The following MCCC1 variants were observed in gnomAD, a reference collection of about 807,000 sequenced individuals.
MCCC1 encodes methylcrotonyl-CoA carboxylase subunit 1.
A neutral mutation model predicts 83.8 loss-of-function variants in MCCC1; 64 were observed. The ratio of observed to expected loss-of-function variants is 0.76; its 90% CI spans 0.62 to 0.94. MCCC1 has a LOEUF of 0.94. MCCC1 is among the 40% of genes least tolerant of loss of function. The probability of loss-of-function intolerance (pLI) is 0.00; values close to 1 mark genes in which losing one functional copy is unlikely to be tolerated. For missense variants in MCCC1, 807 were observed against 904.7 expected (o/e 0.89, Z 1.39); for synonymous variants, 322 against 315.4 (o/e 1.02, Z -0.22).
chr3:183,024,934 A>G (rs865847537), intron 15 of MCCC1, among the ~76,000 whole-genome samples: 14 of 152,208 alleles, frequency 9.2e-5, no homozygotes, highest in Middle Eastern at 3.4e-3. Flanking sequence ...TGTGGTATAT[A>G]CATACAACAG....
intron 1 of MCCC1, among the ~76,000 whole-genome samples, chr3:183,109,180 C>A (rs1193615995): frequency 6.6e-6 from 1 of 151,976 alleles, no homozygotes; most frequent in Non-Finnish European, 1.5e-5. Context: ...TTAGTAGAGA[C>A]GGGGTTTCAC....
At chr3:183,104,596 T>C (rs1719378317) in intron 1 of MCCC1, among the ~76,000 whole-genome samples, 1 of 152,184 alleles carries the variant, frequency 6.6e-6, no homozygotes, top group African/African-American at 2.4e-5. Flanking sequence ...AGGGCTACTT[T>C]CCTTAATATA....
chr3:183,087,023 C>T (rs1303667834), intron 3 of MCCC1, among the ~76,000 whole-genome samples: 1 of 152,208 alleles, frequency 6.6e-6, no homozygotes, highest in Non-Finnish European at 1.5e-5. Flanking sequence ...GCATAAGCCA[C>T]ACACTGGTGT....
chr3:183,095,138 C>A (rs1464386048), intron 1 of MCCC1, among the ~76,000 whole-genome samples: 1 of 151,984 alleles, frequency 6.6e-6, no homozygotes. Flanking sequence ...AAAAAATTAG[C>A]CGGGCGTCAT....
intron 7 of MCCC1, among the ~76,000 whole-genome samples, chr3:183,059,868 C>G (rs902081330): frequency 6.6e-6 from 1 of 152,084 alleles, no homozygotes; most frequent in African/African-American, 2.4e-5. Context: ...TATTTTTATT[C>G]CTCTAGTATT....
intron 13 of MCCC1, among the ~76,000 whole-genome samples, chr3:183,036,781 C>T (rs889152476): frequency 2.6e-5 from 4 of 151,930 alleles, no homozygotes; most frequent in Non-Finnish European, 5.9e-5. Context: ...CATCATGATC[C>T]GCCCACCCTG....
At chr3:183,025,539 T>C (rs186070168) in intron 15 of MCCC1, among the ~76,000 whole-genome samples, 8 of 152,286 alleles carry the variant, frequency 5.3e-5, no homozygotes, top group African/African-American at 1.4e-4. Context: ...TTTTTATTCT[T>C]AAAGGAATCA....
chr3:183,039,645 T>A (rs1409812709), intron 11 of MCCC1, among the ~76,000 whole-genome samples: 1 of 152,204 alleles, frequency 6.6e-6, no homozygotes, highest in African/African-American at 2.4e-5. Flanking sequence ...CTGGGATGGT[T>A]ACAGTCCTAG....
At chr3:183,023,701 C>T (rs1712346420) in intron 15 of MCCC1, among the ~76,000 whole-genome samples, 1 of 152,136 alleles carries the variant, frequency 6.6e-6, no homozygotes, top group Admixed American at 6.5e-5. Flanking sequence ...ACTGATAAAT[C>T]TGTTCTGCAG....
intron 2 of MCCC1, 124 bp downstream of exon 2, chr3:183,094,435 G>A (rs926242939): frequency 5.0e-5 from 47 of 939,156 alleles, no homozygotes; most frequent in African/African-American, 2.5e-4. Context: ...GAAAATTATC[G>A]TGAAAATCCA....
chr3:183,043,007 G>A (rs1419952880), intron 10 of MCCC1, among the ~76,000 whole-genome samples: 4 of 152,162 alleles, frequency 2.6e-5, no homozygotes, highest in South Asian at 2.1e-4. Context: ...AAATAATTCT[G>A]GGTCAGGTGT....
chr3:183,111,609 C>T (rs923935854), intron 1 of MCCC1, among the ~76,000 whole-genome samples: 1 of 152,154 alleles, frequency 6.6e-6, no homozygotes, highest in African/African-American at 2.4e-5. Flanking sequence ...CTTCAAATGA[C>T]CTTTGAAGAC....
intron 1 of MCCC1, among the ~76,000 whole-genome samples, chr3:183,110,175 T>G (rs569818601): frequency 6.6e-6 from 1 of 152,276 alleles, no homozygotes; most frequent in African/African-American, 2.4e-5. Context: ...TTTGCAAATA[T>G]TTTCTCCCAT....
In MCCC1 at chr3:183,025,798, G is replaced by A; in HGVS notation, c.1688C>T (p.Ala563Val). The change falls in exon 15 of 19, where the codon GCC becomes GTC. Residue 563 changes from alanine (A) to valine (V), a missense_variant. Physicochemically the swap from Ala to Val is moderately conservative, Grantham distance 64. Coordinates refer to ENST00000265594, the MANE Select transcript of MCCC1 (RefSeq NM_020166.5). ...ATCATGGTTATACGTTACAGCTATG[G>A]CTACATCTTTATGGAAAAAGGGAAA... ...MTLKDGKNNV[A>V]IAVTYNHDGS... 1 of 1,613,150 alleles carries A rather than the reference G, an allele frequency of 6.2e-7. No individual in the cohort carries two copies. Among genetic ancestry groups the A allele is most frequent in the Non-Finnish European group, 8.5e-7 (1 of 1,179,324 alleles).
intron 7 of MCCC1, 37 bp from the exon 8 acceptor site, chr3:183,057,459 TA>T: frequency 1.4e-6 from 2 of 1,463,154 alleles, no homozygotes; most frequent in Non-Finnish European, 1.9e-6. Flanking sequence ...ATATATTTGT[TA>T]GGGGTGATAA....
chr3:183,110,102 C>CTT (rs1225815620), intron 1 of MCCC1, among the ~76,000 whole-genome samples: 1 of 152,016 alleles, frequency 6.6e-6, no homozygotes, highest in African/African-American at 2.4e-5. Flanking sequence ...ATAGGATTGT[C>CTT]TTTTGCTAGT....
At chr3:183,062,280 G>A (rs150720081) in intron 7 of MCCC1, among the ~76,000 whole-genome samples, 3 of 151,856 alleles carry the variant, frequency 2.0e-5, no homozygotes, top group Admixed American at 2.0e-4. Flanking sequence ...GGGATTCCAG[G>A]TTATGAAGGG....
chr3:183,044,235 AT>A (rs1421976012), intron 10 of MCCC1, among the ~76,000 whole-genome samples: 2 of 152,142 alleles, frequency 1.3e-5, no homozygotes, highest in African/African-American at 4.8e-5. Context: ...TACTTAACAG[AT>A]TTTTTTCATG....
At chr3:183,091,810 G>A (rs1718362981) in intron 3 of MCCC1, among the ~76,000 whole-genome samples, 1 of 152,128 alleles carries the variant, frequency 6.6e-6, no homozygotes, top group Non-Finnish European at 1.5e-5. Context: ...AGGCCAAGGT[G>A]GGCGGATCAC....
Sources: allele counts gnomAD v4.1 joint callset (sites outside exome capture counted in the v4.1 genomes callset), GRCh38; gene constraint gnomAD v4.1.1; transcripts MANE v1.5; gene names NCBI Gene and HGNC (gene_info 2026-07-23, HGNC 2026-07-21).